The following KIAA0753 variants were observed in gnomAD, a reference collection of about 807,000 sequenced individuals.
KIAA0753 encodes the protein protein moonraker.
In KIAA0753, 114 loss-of-function variants were observed where a neutral mutation model predicts 116.9. The observed-to-expected ratio is 0.98, with a 90% CI of 0.84 to 1.14. The LOEUF (loss-of-function observed/expected upper bound fraction) is 1.14. Ranked by LOEUF, KIAA0753 falls within the 50% of genes most tolerant of loss-of-function variation. KIAA0753 has a pLI of 0.00. For missense variants in KIAA0753, 1,156 were observed against 1,172.4 expected (o/e 0.99, Z 0.20); for synonymous variants, 405 against 413.1 (o/e 0.98, Z 0.24).
intron 18 of KIAA0753, among the ~76,000 whole-genome samples, chr17:6,585,027 C>G (rs894025174): frequency 6.6e-6 from 1 of 152,120 alleles, no homozygotes; most frequent in African/African-American, 2.4e-5. Context: ...CTCCTGGGCT[C>G]AAGCAATCCT....
chr17:6,591,336 C>T (rs144675252), intron 16 of KIAA0753, among the ~76,000 whole-genome samples: 3 of 152,292 alleles, frequency 2.0e-5, no homozygotes, highest in Non-Finnish European at 4.4e-5. Flanking sequence ...CGACTTGGCT[C>T]ACATTTATAT....
intron 4 of KIAA0753, 80 bp downstream of exon 4, chr17:6,624,675 G>A: frequency 1.1e-6 from 1 of 939,174 alleles, no homozygotes; most frequent in East Asian, 2.7e-5. Context: ...TAATCTTTCT[G>A]AGACAAAAGG....
In KIAA0753 at chr17:6,623,539, C is replaced by CA; in HGVS notation, c.857dup (p.Leu286PhefsTer5). 6.2e-7 allele frequency: 1 copy of CA among 1,610,236 alleles called. No individual in the cohort carries two copies. Among genetic ancestry groups the CA allele is most frequent in the South Asian group, 1.1e-5 (1 of 90,556 alleles). On this transcript the variant is annotated frameshift_variant, in exon 5 of 19. Coordinates refer to ENST00000361413, the MANE Select transcript of KIAA0753 (RefSeq NM_014804.3). LOFTEE classifies it high-confidence loss of function. ...TAGTGTGTTTAATTTTATGTGGACT[C>CA]AATTTATCCAATTCTTCCTGGATTT... is the stretch of plus-strand genomic sequence containing the variant.
Position 6,609,050 on chromosome 17 carries a change from T to C in KIAA0753, c.1713-586A>G, listed in dbSNP as rs183646440. ...AAGTCAGAAGACCTGATTTTAGGTC[T>C]GGCTGTTACATGAATAAGACATTAA... On this transcript the variant is annotated intron_variant, in intron 9 of 18. Transcript: ENST00000361413. 5.9e-5 allele frequency among the ~76,000 whole-genome samples: 9 copies of C among 152,378 alleles called. No homozygotes were observed. The East Asian group carries it at 1.7e-3, about 29-fold the overall frequency.
chr17:6,589,171 G>A (rs908056636), intron 18 of KIAA0753, among the ~76,000 whole-genome samples: 1 of 152,156 alleles, frequency 6.6e-6, no homozygotes, highest in Non-Finnish European at 1.5e-5. Context: ...ATCTGTGGTG[G>A]GGCCTTTGGG....
At chr17:6,597,660 G>A (rs1046006870) in intron 14 of KIAA0753, among the ~76,000 whole-genome samples, 2 of 152,172 alleles carry the variant, frequency 1.3e-5, no homozygotes, top group African/African-American at 4.8e-5. Context: ...TTCAGTTAAT[G>A]ACAACAGTAG....
intron 8 of KIAA0753, 100 bp downstream of exon 8, chr17:6,611,819 T>C: frequency 1.1e-6 from 1 of 872,554 alleles, no homozygotes. Context: ...GACTGCAGCA[T>C]CCAATTGCCT....
chr17:6,619,885 G>A (rs1292966892), intron 7 of KIAA0753, among the ~76,000 whole-genome samples: 1 of 152,028 alleles, frequency 6.6e-6, no homozygotes. Flanking sequence ...TCAATTATAA[G>A]ACACATCAGT....
intron 7 of KIAA0753, among the ~76,000 whole-genome samples, chr17:6,620,218 T>C (rs1286491738): frequency 6.6e-6 from 1 of 152,158 alleles, no homozygotes; most frequent in Non-Finnish European, 1.5e-5. Context: ...CCACTGATAC[T>C]GGAAAGCTTT....
Position 6,610,344 on chromosome 17 carries a change from A to AG in KIAA0753, c.1546-185dup, listed in dbSNP as rs35433957. 0.66 allele frequency among the ~76,000 whole-genome samples: 86,299 copies of AG among 131,220 alleles called. 28,189 individuals are homozygous for AG. The highest frequency in any genetic ancestry group is 0.79 in the African/African-American group (27,450 of 34,938). The allele number at this position is 131,220 out of a possible 152,430, so 86.1% of individuals were successfully genotyped here. ...TAAATTTCATTGAAACAACCATGGT[A>AG]GGGGCGGGGGGTGGAGGGTGTAGAA... On this transcript the variant is annotated intron_variant, in intron 8 of 18. Coordinates refer to ENST00000361413, the MANE Select transcript of KIAA0753 (RefSeq NM_014804.3).
chr17:6,580,907 C>CAA (rs1968123374), intron 18 of KIAA0753, among the ~76,000 whole-genome samples: 1 of 141,532 alleles, frequency 7.1e-6, no homozygotes, highest in Admixed American at 6.8e-5. Flanking sequence ...TGTACACACA[C>CAA]ACACACACAC....
chr17:6,582,025 G>C (rs1968215076), intron 18 of KIAA0753, among the ~76,000 whole-genome samples: 1 of 152,128 alleles, frequency 6.6e-6, no homozygotes, highest in South Asian at 2.1e-4. Flanking sequence ...TGGCACCTCT[G>C]CTTCTGGGCC....
At chr17:6,616,969 G>A (rs906531839) in intron 7 of KIAA0753, among the ~76,000 whole-genome samples, 3 of 152,144 alleles carry the variant, frequency 2.0e-5, no homozygotes, top group Admixed American at 6.5e-5. Context: ...CCTGTAATGA[G>A]TTTTAGGTTA....
At chr17:6,606,761 T>C (rs1970220967) in intron 12 of KIAA0753, 112 bp downstream of exon 12, 2 of 736,622 alleles carry the variant, frequency 2.7e-6, no homozygotes, top group South Asian at 1.6e-5. Flanking sequence ...CAGCTATTCA[T>C]TCATTCATGT....
intron 1 of KIAA0753, chr17:6,636,891 T>C (rs1203806331): frequency 6.6e-6 from 1 of 152,216 alleles, no homozygotes; most frequent in Non-Finnish European, 1.5e-5. Context: ...CACTTGGCTG[T>C]AGGTGGTCTC....
intron 3 of KIAA0753, 98 bp from the exon 4 acceptor site, chr17:6,624,959 T>C (rs769848913): frequency 2.7e-5 from 22 of 817,542 alleles, no homozygotes; most frequent in Non-Finnish European, 4.2e-5. Context: ...AAGTTGAAGA[T>C]CTCTGGTTTT....
At chr17:6,585,108 T>C (rs921623985) in intron 18 of KIAA0753, among the ~76,000 whole-genome samples, 3 of 151,420 alleles carry the variant, frequency 2.0e-5, no homozygotes, top group Non-Finnish European at 4.4e-5. Flanking sequence ...AATGTTTCTA[T>C]TCTATCTGCC....
At chr17:6,583,160 G>A (rs1024765595) in intron 18 of KIAA0753, among the ~76,000 whole-genome samples, 2 of 152,060 alleles carry the variant, frequency 1.3e-5, no homozygotes, top group Non-Finnish European at 2.9e-5. Flanking sequence ...CTTGCCTTTT[G>A]ATGTATCTTT....
chr17:6,580,552 G>A (rs1372970451), intron 18 of KIAA0753, among the ~76,000 whole-genome samples: 7 of 151,990 alleles, frequency 4.6e-5, no homozygotes, highest in South Asian at 4.2e-4. Flanking sequence ...TCCTGACCTC[G>A]TGATCCGCCT....
Sources: allele counts gnomAD v4.1 joint callset (sites outside exome capture counted in the v4.1 genomes callset), GRCh38; gene constraint gnomAD v4.1.1; transcripts MANE v1.5; gene names NCBI Gene and HGNC (gene_info 2026-07-23, HGNC 2026-07-21).